Variants in GFPT2 observed in about 807,000 individuals in gnomAD.
GFPT2 encodes glutamine--fructose-6-phosphate transaminase 2.
A neutral mutation model predicts 85.6 loss-of-function variants in GFPT2; 62 were observed. The ratio of observed to expected loss-of-function variants is 0.72; its 90% CI spans 0.59 to 0.90. The LOEUF is 0.90. GFPT2 is among the 40% of genes least tolerant of loss of function. The probability of loss-of-function intolerance (pLI) is 0.00; values close to 1 mark genes in which losing one functional copy is unlikely to be tolerated. For synonymous variants in GFPT2, 368 were observed against 344.5 expected, an observed-to-expected ratio of 1.07 and a Z score of -0.75; for missense variants, 788 against 893.4, an observed-to-expected ratio of 0.88 and a Z score of 1.50.
At chr5:180,321,396 C>G (rs1390581961) in intron 9 of GFPT2, among the ~76,000 whole-genome samples, 1 of 152,218 alleles carries the variant, frequency 6.6e-6, no homozygotes, top group South Asian at 2.1e-4. Context: ...GTCATTAAAA[C>G]CAATGGCCCA....
At chr5:180,311,583 T>C (rs534945434) in intron 15 of GFPT2, among the ~76,000 whole-genome samples, 1 of 152,294 alleles carries the variant, frequency 6.6e-6, no homozygotes, top group East Asian at 1.9e-4. Context: ...TCTCGAGTAC[T>C]TACTGAGCAC....
intron 15 of GFPT2, 109 bp downstream of exon 15, chr5:180,312,321 A>T: frequency 1.4e-6 from 1 of 698,040 alleles, no homozygotes. Flanking sequence ...AGGAAGTTTT[A>T]GGAGGAAGAA....
chr5:180,316,930 G>A (rs1274392639), intron 11 of GFPT2, 33 bp downstream of exon 11: 11 of 1,549,530 alleles, frequency 7.1e-6, no homozygotes, highest in African/African-American at 5.4e-5. Flanking sequence ...GACTAGGCTC[G>A]GGCGGAGGCT....
At chr5:180,316,507 C>A (rs369617787) in intron 12 of GFPT2, 46 bp from the exon 13 acceptor site, 2 of 1,610,620 alleles carry the variant, frequency 1.2e-6, no homozygotes, top group Admixed American at 1.7e-5. Context: ...GTCACAGGCA[C>A]GACAGGGACA....
chr5:180,350,077 C>T (rs1212752048), intron 1 of GFPT2, among the ~76,000 whole-genome samples: 2 of 152,072 alleles, frequency 1.3e-5, no homozygotes, highest in African/African-American at 2.4e-5. Flanking sequence ...GGCCCGTGCT[C>T]GTGTCTGGGT....
At chr5:180,316,300 T>C (rs1395817460) in intron 13 of GFPT2, 41 bp downstream of exon 13, 3 of 1,610,414 alleles carry the variant, frequency 1.9e-6, no homozygotes, top group Non-Finnish European at 2.5e-6. Flanking sequence ...AGCCCAGAGC[T>C]GACCTGATGC....
chr5:180,342,424 T>TG (rs934415228), intron 1 of GFPT2, among the ~76,000 whole-genome samples: 1 of 150,274 alleles, frequency 6.7e-6, no homozygotes, highest in African/African-American at 2.5e-5. Context: ...TTTTTTTTTT[T>TG]TTTGAGACAG....
In GFPT2 at chr5:180,307,275, C is replaced by T. The variant is rs1399344688; in HGVS notation, c.1575G>A (p.Glu525=). Residue 525 remains glutamate, a synonymous_variant, in exon 16 of 19, where the codon GAG becomes GAA. Transcript: ENST00000253778. ...CCAGGGCCAAGTCGTGGATCTTCTC[C>T]TCCAGAGACAGCACTTCCTTGATCA... ...PELIKEVLSL[E]EKIHDLALEL... The T allele has an allele frequency of 1.2e-6, 2 of 1,613,604 alleles. No individual in the cohort carries two copies. Among genetic ancestry groups the T allele is most frequent in the South Asian group, 2.2e-5 (2 of 91,032 alleles).
rs1388325524 is a variant in GFPT2, at chr5:180,324,364, C to T, written c.677-59G>A. 6 of 963,450 alleles carry T rather than the reference C, an allele frequency of 6.2e-6. 1 individual carries two copies. The South Asian group carries it at 7.3e-5, about 12-fold the overall frequency. The allele number at this position is 963,450 out of a possible 1,614,324, so 59.7% of individuals were successfully genotyped here. On this transcript the variant is annotated intron_variant, in intron 8 of 18. Transcript: ENST00000253778. ...TGGGATGTTTTGTTTGCATAATATG[C>T]AGCAAGGAACCAATTTCCCCTCTGA...
intron 2 of GFPT2, 145 bp downstream of exon 2, chr5:180,338,348 A>C: frequency 2.1e-6 from 1 of 478,752 alleles, no homozygotes; most frequent in South Asian, 3.7e-5. Flanking sequence ...TCTTTAACGG[A>C]CAAGTGTTAT....
rs563610340 is a variant in GFPT2, at chr5:180,342,628, G to A, written c.8-4028C>T. 1.5e-4 allele frequency among the ~76,000 whole-genome samples: 23 copies of A among 152,202 alleles called. No individual in the cohort carries two copies. The South Asian group carries it at 4.4e-3, about 29-fold the overall frequency. ...CTTCTAAAAACAACCAGAGGCCAGC[G>A]CAGTGGCTCACGCCTGTAATCCTAG... On this transcript the variant is annotated intron_variant, in intron 1 of 18. Coordinates refer to ENST00000253778, the MANE Select transcript of GFPT2 (RefSeq NM_005110.4).
rs1284786905 is a variant in GFPT2 at position 180,330,800 on chromosome 5, T to A, written c.434A>T (p.Asp145Val). The stretch of plus-strand genomic sequence containing the variant: ...AATCAGCTTGGCGATGGTCTCTGTA[T>A]CTGTTTCTGACTCAAACTCGTAGCC... ...SKGYEFESET[D>V]TETIAKLIKY... The change falls in exon 6 of 19, where the codon GAT (aspartate) becomes GTT (valine). Residue 145 changes from aspartate to valine, a missense_variant. Coordinates refer to ENST00000253778, the MANE Select transcript of GFPT2 (RefSeq NM_005110.4). The surrounding 1 kb of genome is among the most constrained non-coding windows in gnomAD (Gnocchi z 4.4). 1 of 1,613,568 alleles carries A rather than the reference T, an allele frequency of 6.2e-7. No individual in the cohort carries two copies. Among genetic ancestry groups the A allele is most frequent in the Non-Finnish European group, 8.5e-7 (1 of 1,179,566 alleles).
At chr5:180,352,637 T>G (rs1163265068) in intron 1 of GFPT2, 1 of 446,850 alleles carries the variant, frequency 2.2e-6, no homozygotes, top group Non-Finnish European at 4.5e-6. Flanking sequence ...CAGCGACCCT[T>G]CTAGGGACCA....
intron 8 of GFPT2, 105 bp from the exon 9 acceptor site, chr5:180,324,410 C>T: frequency 2.9e-6 from 2 of 698,718 alleles, no homozygotes; most frequent in South Asian, 1.8e-5. Flanking sequence ...GAGAAATTTG[C>T]AATTTTTAGC....
chr5:180,312,018 G>A (rs1371241788), intron 15 of GFPT2, among the ~76,000 whole-genome samples: 1 of 112,342 alleles, frequency 8.9e-6, no homozygotes, highest in African/African-American at 3.2e-5. Context: ...GGGCAGGGAG[G>A]CAGGGAGGCG....
At position 180,330,755 on chromosome 5, in the gene GFPT2, C is replaced by G; in HGVS notation, c.479G>C (p.Arg160Thr). Residue 160 changes from arginine to threonine, a missense_variant, in exon 6 of 19, where the codon AGA (arginine) becomes ACA (threonine). Transcript: ENST00000253778. The surrounding 1 kb of genome is among the most constrained non-coding windows in gnomAD (Gnocchi z 4.4). ...TGAAAACGTAATGTCCTCAGTTTCT[C>G]TGTTGTCGAACACATATTTAATCAG... ...AKLIKYVFDN[R>T]ETEDITFSTL... 6.2e-7 allele frequency: 1 copy of G among 1,613,204 alleles called. No individual in the cohort carries two copies. Among genetic ancestry groups the G allele is most frequent in the Non-Finnish European group, 8.5e-7 (1 of 1,179,116 alleles).
chr5:180,332,230 G>A (rs935668785), intron 4 of GFPT2, among the ~76,000 whole-genome samples: 71 of 150,244 alleles, frequency 4.7e-4, no homozygotes, highest in Non-Finnish European at 9.0e-4. Flanking sequence ...ATCCTGGCGG[G>A]GAGGTGGCGG....
Position 180,300,953 on chromosome 5 carries a change from T to C in GFPT2, c.*611A>G, listed in dbSNP as rs1385042336. ...GAAAATGTTGAAGGAGGCTGAGATT[T>C]CAACTGGACTTATAGGAGGCATAGG... On this transcript the variant is annotated 3_prime_UTR_variant, in exon 19 of 19. Coordinates refer to ENST00000253778, the MANE Select transcript of GFPT2 (RefSeq NM_005110.4). The C allele has an allele frequency of 6.5e-6, 1 of 152,732 alleles. No individual in the cohort carries two copies. The highest frequency in any genetic ancestry group is 2.4e-5 in the African/African-American group (1 of 41,454). 9.5% of individuals were successfully genotyped at this position (152,732 alleles called of 1,614,324 possible).
At chr5:180,324,583 T>C (rs2127652347) in intron 8 of GFPT2, 1 of 590,734 alleles carries the variant, frequency 1.7e-6, no homozygotes, top group East Asian at 2.8e-5. Flanking sequence ...CTTTTGTGTA[T>C]GTTTGACAAT....
Sources: gnomAD v4.1 joint callset for allele counts (sites outside exome capture counted in the v4.1 genomes callset) on GRCh38, gnomAD v4.1.1 for gene constraint, Gnocchi (gnomAD v3.1) non-coding constraint, MANE v1.5 for transcripts, NCBI Gene and HGNC (gene_info 2026-07-23, HGNC 2026-07-21) for gene names.